Variants in BEND2 observed in about 807,000 individuals in gnomAD.
The protein encoded by BEND2 is BEN domain containing 2, also known as BEN domain-containing protein 2.
Under a neutral mutation model 43.8 loss-of-function variants are expected in BEND2, and 19 were observed. The ratio of observed to expected loss-of-function variants is 0.43; its 90% CI spans 0.30 to 0.64. BEND2 has a LOEUF of 0.64. Ranked by LOEUF, BEND2 falls within the 30% of genes least tolerant of loss-of-function variation. The pLI, the probability that BEND2 is intolerant of heterozygous loss-of-function variation, is 0.11. For missense variants in BEND2, 544 were observed against 574.0 expected (o/e 0.95, Z 0.53); for synonymous variants, 226 against 210.1 (o/e 1.08, Z -0.66).
intron 12 of BEND2, 152 bp from the exon 13 acceptor site, chrX:18,171,356 T>C (rs1290162459): frequency 9.5e-6 from 6 of 633,834 alleles, no homozygotes; most frequent in Non-Finnish European, 1.2e-5. Context: ...TTTTATTTAT[T>C]TTAAAGACAG....
intron 1 of BEND2, among the ~76,000 whole-genome samples, chrX:18,219,876 C>T (rs1249017375): frequency 9.0e-6 from 1 of 111,360 alleles, no homozygotes; most frequent in African/African-American, 3.3e-5. Flanking sequence ...CCTGCACTCC[C>T]ACCTGGGCAC....
rs1317223745 is a variant in BEND2, at chrX:18,212,106, T to TTTC, written c.492+458_492+459insGAA. On this transcript the variant is annotated intron_variant, in intron 4 of 13. Transcript: ENST00000380033. ...TTTATTACTGTCTTTTTTTTTTTTT[T>TTTC]TTTTTTGAGACAGAGTATTGTTCTG... Among the ~76,000 whole-genome samples, 198 of 101,139 alleles carry TTTC rather than the reference T, an allele frequency of 2.0e-3. 2 individuals are homozygous for TTTC. In the East Asian group the frequency reaches 0.034, roughly 17 times the overall value. The allele number at this position is 101,139 out of a possible 115,157, so 87.8% of individuals were successfully genotyped here.
chrX:18,170,260 G>A (rs1303185898), intron 13 of BEND2, among the ~76,000 whole-genome samples: 1 of 112,273 alleles, frequency 8.9e-6, no homozygotes, highest in African/African-American at 3.2e-5. Context: ...CACTCACACA[G>A]AGGCATGTAC....
chrX:18,175,103 A>T lies in BEND2; in HGVS notation c.1753-845T>A, dbSNP rs1454691974. Among the ~76,000 whole-genome samples, 4 of 111,837 alleles carry T rather than the reference A, an allele frequency of 3.6e-5. No homozygotes were observed. In the Admixed American group the frequency reaches 3.8e-4, roughly 11 times the overall value. ...TTTCCAGGCAGTGTCTTAATTTTAC[A>T]TTCAAATTGTTTAGGGTGCAATTTT... On this transcript the variant is annotated intron_variant, in intron 11 of 13. Coordinates refer to ENST00000380033, the MANE Select transcript of BEND2 (RefSeq NM_153346.5).
chrX:18,181,319 T>C (rs1924378818), intron 8 of BEND2, among the ~76,000 whole-genome samples: 1 of 111,324 alleles, frequency 9.0e-6, no homozygotes, highest in Non-Finnish European at 1.9e-5. Context: ...CTTAGGTATT[T>C]ATCCCAGAGA....
chrX:18,199,164 G>A (rs1431324549), intron 6 of BEND2, among the ~76,000 whole-genome samples: 2 of 108,205 alleles, frequency 1.8e-5, no homozygotes, highest in African/African-American at 6.7e-5. Context: ...TAACTAACCT[G>A]CACATTGTGC....
In BEND2 at chrX:18,180,612, T is replaced by G. The variant is rs746168306; in HGVS notation, c.1327A>C (p.Asn443His). 20 of 1,208,926 alleles carry G rather than the reference T, an allele frequency of 1.7e-5. No homozygotes were observed. Among genetic ancestry groups the G allele is most frequent in the Admixed American group, 8.8e-5 (4 of 45,682 alleles). The change falls in exon 9 of 14, where the codon AAC (asparagine) becomes CAC (histidine). Residue 443 changes from asparagine (N) to histidine (H), a missense_variant. By Grantham distance (68) the Asn-to-His change is moderately conservative (BLOSUM62 1). Around this residue, in one of 2 missense-constraint regions of BEND2, gnomAD observed 501 missense variants for 501.6 expected, o/e 1.00. Coordinates refer to ENST00000380033, the MANE Select transcript of BEND2 (RefSeq NM_153346.5). ...ATTGTGTTGACGCTGTTTTCCGTGT[T>G]GGTGTCTACTTTTACCAAAATATTC... ...PLNILVKVDT[N>H]TENSVNTMNR...
chrX:18,171,226 G>A, intron 12 of BEND2, 22 bp from the exon 13 acceptor site: 16 of 1,175,576 alleles, frequency 1.4e-5, no homozygotes, highest in Non-Finnish European at 1.8e-5. Flanking sequence ...AAAGAAAGAT[G>A]TCAATTTTCA....
At position 18,175,967 on chromosome X, in the gene BEND2, C is replaced by G; in HGVS notation, c.1752+5G>C. 7.6e-6 allele frequency: 9 copies of G among 1,180,816 alleles called. No individual in the cohort carries two copies. The highest frequency in any genetic ancestry group is 1.8e-5 in the African/African-American group (1 of 56,332). On this transcript the variant is annotated splice_donor_5th_base_variant and intron_variant, in intron 11 of 13. Coordinates refer to ENST00000380033, the MANE Select transcript of BEND2 (RefSeq NM_153346.5). ...GTTACCATATTTAGATGAAAAATAA[C>G]TTACTGGAGTACTCTTGCCTTCAGA...
chrX:18,180,597 C>T lies in BEND2; in HGVS notation c.1342G>A (p.Val448Ile), dbSNP rs183006657. ...AAAGTTGAGCGATTCATTGTGTTGA[C>T]GCTGTTTTCCGTGTTGGTGTCTACT... ...VKVDTNTENS[V>I]NTMNRSTLLD... The change falls in exon 9 of 14, where the codon GTC becomes ATC. Residue 448 changes from valine (V) to isoleucine (I), a missense_variant. By Grantham distance (29) the Val-to-Ile change is conservative. Coordinates refer to ENST00000380033, the MANE Select transcript of BEND2 (RefSeq NM_153346.5). The T allele has an allele frequency of 4.9e-5, 59 of 1,209,184 alleles. No homozygotes were observed. The highest frequency in any genetic ancestry group is 4.6e-4 in the Middle Eastern group (2 of 4,352).
chrX:18,174,334 G>A, intron 11 of BEND2, 76 bp from the exon 12 acceptor site: 1 of 933,536 alleles, frequency 1.1e-6, no homozygotes, highest in Non-Finnish European at 1.5e-6. Flanking sequence ...CCACCTACCA[G>A]GCCCACCAGG....
chrX:18,165,472 G>A (rs917681437), intron 13 of BEND2, among the ~76,000 whole-genome samples: 7 of 111,745 alleles, frequency 6.3e-5, no homozygotes, highest in African/African-American at 2.3e-4. Flanking sequence ...CCACATACCA[G>A]AATAGAAATC....
At chrX:18,196,580 A>G (rs773423017) in intron 6 of BEND2, among the ~76,000 whole-genome samples, 1 of 109,809 alleles carries the variant, frequency 9.1e-6, no homozygotes, top group East Asian at 2.9e-4. Context: ...TTCAATTGGT[A>G]AATGGTTAAA....
chrX:18,218,098 G>A (rs1925731634), intron 1 of BEND2, among the ~76,000 whole-genome samples: 1 of 109,567 alleles, frequency 9.1e-6, no homozygotes, highest in Admixed American at 9.8e-5. Context: ...ACGAGACCCT[G>A]TCTCAAACAA....
Position 18,164,758 on chromosome X carries a change from A to G in BEND2, c.*251T>C. The stretch of plus-strand genomic sequence containing the variant: ...ATTATCTAAGTCAAAGCCATGGGTC[A>G]CAAGCCCATGAGGAGTTTACTACCA... On this transcript the variant is annotated 3_prime_UTR_variant, in exon 14 of 14. Coordinates refer to ENST00000380033, the MANE Select transcript of BEND2 (RefSeq NM_153346.5). 1 of 319,014 alleles carries G rather than the reference A, an allele frequency of 3.1e-6. No individual in the cohort carries two copies. The highest frequency in any genetic ancestry group is 5.4e-6 in the Non-Finnish European group (1 of 185,287). 26.3% of individuals were successfully genotyped at this position (319,014 alleles called of 1,213,427 possible).
intron 4 of BEND2, among the ~76,000 whole-genome samples, chrX:18,212,092 CTTTTT>C (rs758303697): frequency 1.4e-5 from 1 of 71,073 alleles, no homozygotes. Context: ...TTATTACTGT[CTTTTT>C]TTTTTTTTTT....
chrX:18,219,167 G>A (rs755519503), intron 1 of BEND2, among the ~76,000 whole-genome samples: 1 of 112,046 alleles, frequency 8.9e-6, no homozygotes, highest in Non-Finnish European at 1.9e-5. Context: ...GCCACAGGCC[G>A]GACAAGTGAG....
chrX:18,203,596 T>C lies in BEND2; in HGVS notation c.812A>G (p.Asn271Ser). 8.3e-7 allele frequency: 1 copy of C among 1,210,845 alleles called. No individual in the cohort carries two copies. The highest frequency in any genetic ancestry group is 1.1e-6 in the Non-Finnish European group (1 of 894,611). ...VLSRRESSLA[N>S]NPGVVNYSAL... is the part of the protein sequence containing the mutation. ...AGAGTAATTCACCACACCAGGGTTA[T>C]TTGCCAGACTGGATTCTCTTCGTGA... is the stretch of plus-strand genomic sequence containing the variant. Residue 271 changes from asparagine (N) to serine (S), a missense_variant, in exon 5 of 14, where the codon AAT (asparagine) becomes AGT (serine). Physicochemically the swap from Asn to Ser is conservative, Grantham distance 46 (BLOSUM62 1). Transcript: ENST00000380033.
Position 18,177,708 on chromosome X carries a change from T to C in BEND2, c.1491A>G (p.Gln497=), listed in dbSNP as rs1173970246. 8.3e-7 allele frequency: 1 copy of C among 1,211,092 alleles called. No individual in the cohort carries two copies. The change falls in exon 10 of 14, where the codon CAA becomes CAG. Residue 497 remains glutamine, a synonymous_variant. Coordinates refer to ENST00000380033, the MANE Select transcript of BEND2 (RefSeq NM_153346.5). ...RVLKIHLLAV[Q]NMAKPKQAAC... is the part of the protein sequence containing the mutation. ...CTGCTTGCTTAGGTTTGGCCATATTTTGTACGGCCAGCAAATGGATTTTAA... is the reference window on the plus strand; with the variant it reads ...CTGCTTGCTTAGGTTTGGCCATATTCTGTACGGCCAGCAAATGGATTTTAA...
Sources: gnomAD v4.1 joint callset for allele counts (sites outside exome capture counted in the v4.1 genomes callset) on GRCh38, gnomAD v4.1.1 for gene constraint, gnomAD v4.1.1 regional missense constraint, MANE v1.5 for transcripts, NCBI Gene and HGNC (gene_info 2026-07-23, HGNC 2026-07-21) for gene names.